Variants in NLGN1 observed in about 807,000 individuals in gnomAD.
NLGN1 encodes neuroligin 1.
A neutral mutation model predicts 65.5 loss-of-function variants in NLGN1; 12 were observed. The observed-to-expected ratio is 0.18, with a 90% confidence interval of 0.12 to 0.30. The LOEUF is 0.30. Ranked by LOEUF, NLGN1 falls within the 10% of genes least tolerant of loss-of-function variation. The pLI is 1.00. For missense variants in NLGN1, 750 were observed against 1,007.1 expected (o/e 0.74, Z 3.46); for synonymous variants, 350 against 359.5 (o/e 0.97, Z 0.30).
At chr3:174,108,535 C>A (rs1714489084) in intron 4 of NLGN1, among the ~76,000 whole-genome samples, 1 of 151,974 alleles carries the variant, frequency 6.6e-6, no homozygotes, top group African/African-American at 2.4e-5. Flanking sequence ...AAAAATTATT[C>A]AGGAACTATT....
chr3:174,096,534 G>A (rs977720405), intron 4 of NLGN1, among the ~76,000 whole-genome samples: 7 of 151,948 alleles, frequency 4.6e-5, no homozygotes, highest in Admixed American at 6.6e-5. Flanking sequence ...ATAGAAGGTC[G>A]GTTTGAAAAT....
intron 3 of NLGN1, among the ~76,000 whole-genome samples, chr3:173,730,241 T>A (rs528500496): frequency 6.6e-6 from 1 of 151,322 alleles, no homozygotes; most frequent in Non-Finnish European, 1.5e-5. Flanking sequence ...GTAGGAAATA[T>A]CTTGTAGATA....
intron 2 of NLGN1, among the ~76,000 whole-genome samples, chr3:173,491,174 G>A (rs1469336208): frequency 6.6e-6 from 1 of 151,774 alleles, no homozygotes; most frequent in Non-Finnish European, 1.5e-5. Context: ...TCTTGTGCCA[G>A]TTTTCAAAGG....
At chr3:174,062,586 A>G (rs529387345) in intron 4 of NLGN1, among the ~76,000 whole-genome samples, 4 of 152,050 alleles carry the variant, frequency 2.6e-5, no homozygotes, top group Non-Finnish European at 5.9e-5. Context: ...TATATGAACC[A>G]GAATGTTACA....
chr3:173,736,325 C>T (rs114176892), intron 3 of NLGN1, among the ~76,000 whole-genome samples: 1 of 152,122 alleles, frequency 6.6e-6, no homozygotes, highest in South Asian at 2.1e-4. Context: ...TTTTTCCCGT[C>T]CCCCACTCTC....
In NLGN1 at chr3:174,203,960, AATT is replaced by A. The variant is rs1188066800; in HGVS notation, c.647-71349_647-71347del. Among the ~76,000 whole-genome samples the A allele has an allele frequency of 7.2e-5, 11 of 152,334 alleles. No individual in the cohort carries two copies. The East Asian group carries it at 1.5e-3, about 21-fold the overall frequency. On this transcript the variant is annotated intron_variant, in intron 4 of 6. Transcript: ENST00000457714. ...ATTGGAGTCATTATTTTAAAATTAC[AATT>A]ATTATACAGACTTTTTTATCATAGC...
chr3:174,238,304 A>G (rs1367787339), intron 4 of NLGN1, among the ~76,000 whole-genome samples: 1 of 140,844 alleles, frequency 7.1e-6, no homozygotes, highest in East Asian at 2.1e-4. Flanking sequence ...TTCAATCTCT[A>G]CTTTCTGTTT....
intron 2 of NLGN1, among the ~76,000 whole-genome samples, chr3:173,444,328 C>CA (rs1299959857): frequency 6.6e-6 from 1 of 152,098 alleles, no homozygotes; most frequent in Admixed American, 6.5e-5. Flanking sequence ...TAATGCTGCT[C>CA]ATCAAAATGA....
intron 2 of NLGN1, among the ~76,000 whole-genome samples, chr3:173,582,772 T>G (rs1746599564): frequency 6.6e-6 from 1 of 152,140 alleles, no homozygotes; most frequent in South Asian, 2.1e-4. Context: ...ATATATCAAA[T>G]TTAATATTAT....
At chr3:173,866,276 C>A (rs567394424) in intron 4 of NLGN1, among the ~76,000 whole-genome samples, 2 of 152,074 alleles carry the variant, frequency 1.3e-5, no homozygotes, top group Non-Finnish European at 2.9e-5. Flanking sequence ...CGCTTGAACC[C>A]GGGAGGCGGA....
intron 3 of NLGN1, among the ~76,000 whole-genome samples, chr3:173,768,553 G>GTA (rs1315939194): frequency 6.6e-6 from 1 of 152,026 alleles, no homozygotes; most frequent in African/African-American, 2.4e-5. Context: ...TACACCTTAT[G>GTA]TATCACATAT....
At chr3:173,673,850 G>A (rs1301698709) in intron 3 of NLGN1, among the ~76,000 whole-genome samples, 3 of 152,150 alleles carry the variant, frequency 2.0e-5, no homozygotes, top group Non-Finnish European at 4.4e-5. Flanking sequence ...TATTGAAAAT[G>A]AAAGTACACT....
At chr3:173,495,499 G>T (rs374500374) in intron 2 of NLGN1, among the ~76,000 whole-genome samples, 1 of 150,912 alleles carries the variant, frequency 6.6e-6, no homozygotes, top group Admixed American at 6.6e-5. Context: ...AATGAGTATG[G>T]CCTCTAGTAA....
At chr3:173,914,790 A>C (rs1010937363) in intron 4 of NLGN1, 10 of 152,200 alleles carry the variant, frequency 6.6e-5, no homozygotes, top group Admixed American at 2.6e-4. Context: ...TAGGCTCTTC[A>C]CACTAACACT....
At chr3:173,456,563 G>T (rs1037652094) in intron 2 of NLGN1, among the ~76,000 whole-genome samples, 2 of 152,146 alleles carry the variant, frequency 1.3e-5, no homozygotes, top group African/African-American at 4.8e-5. Context: ...AATGATTGTA[G>T]CTATAGTATC....
chr3:173,812,589 G>A (rs1560421918), intron 4 of NLGN1, among the ~76,000 whole-genome samples: 1 of 151,752 alleles, frequency 6.6e-6, no homozygotes, highest in Non-Finnish European at 1.5e-5. Flanking sequence ...AAATTAGCCA[G>A]GTGTGGTGGC....
intron 2 of NLGN1, among the ~76,000 whole-genome samples, chr3:173,508,609 CT>C (rs1027769742): frequency 4.9e-4 from 74 of 152,210 alleles, no homozygotes; most frequent in African/African-American, 1.7e-3. Context: ...TATGGTTGTT[CT>C]TCTCTGGAGC....
chr3:173,619,123 A>G (rs367853886), intron 3 of NLGN1, among the ~76,000 whole-genome samples: 4 of 152,130 alleles, frequency 2.6e-5, no homozygotes, highest in African/African-American at 9.6e-5. Context: ...TTTTGCTGGC[A>G]TTTTCCCCAT....
chr3:173,750,718 CAG>C (rs1227403897), intron 3 of NLGN1, among the ~76,000 whole-genome samples: 1 of 151,974 alleles, frequency 6.6e-6, no homozygotes, highest in Non-Finnish European at 1.5e-5. Context: ...GATAGAAAGG[CAG>C]ATAAATCAAC....
Sources: gnomAD v4.1 joint callset for allele counts (sites outside exome capture counted in the v4.1 genomes callset) on GRCh38, gnomAD v4.1.1 for gene constraint, MANE v1.5 for transcripts, NCBI Gene and HGNC (gene_info 2026-07-23, HGNC 2026-07-21) for gene names.